The following GRIP1 variants were observed in gnomAD, a reference collection of about 807,000 sequenced individuals.
The protein encoded by GRIP1 is glutamate receptor interacting protein 1.
GRIP1 carries 45 observed loss-of-function variants against 129.9 expected under a neutral mutation model. The observed-to-expected ratio is 0.35, with a 90% CI of 0.27 to 0.44. The LOEUF is 0.44. GRIP1 is among the 20% of genes least tolerant of loss of function. GRIP1 has a pLI of 1.00. For synonymous variants in GRIP1, 530 were observed against 520.8 expected, an observed-to-expected ratio of 1.02 and a Z score of -0.24; for missense variants, 1,196 against 1,396.8, an observed-to-expected ratio of 0.86 and a Z score of 2.29.
intron 1 of GRIP1, among the ~76,000 whole-genome samples, chr12:66,704,031 A>T (rs1273151496): frequency 6.6e-6 from 1 of 152,110 alleles, no homozygotes; most frequent in Admixed American, 6.6e-5. Flanking sequence ...AAAAGAATAG[A>T]TAGACCTAAA....
intron 1 of GRIP1, among the ~76,000 whole-genome samples, chr12:67,030,860 C>T (rs2043011973): frequency 1.3e-5 from 2 of 152,038 alleles, no homozygotes; most frequent in Non-Finnish European, 2.9e-5. Context: ...GAAATATGGA[C>T]AGCAACAAAG....
intron 2 of GRIP1, among the ~76,000 whole-genome samples, chr12:66,561,626 C>T (rs932677512): frequency 1.3e-5 from 2 of 152,078 alleles, no homozygotes; most frequent in Non-Finnish European, 2.9e-5. Flanking sequence ...TTCATTATGC[C>T]CTAAAAAACC....
chr12:66,958,870 G>T (rs1222546919), intron 1 of GRIP1, among the ~76,000 whole-genome samples: 1 of 152,050 alleles, frequency 6.6e-6, no homozygotes, highest in African/African-American at 2.4e-5. Context: ...ATTACGAAAG[G>T]GGCTTCCAGA....
At chr12:66,498,102 C>A (rs908564602) in intron 7 of GRIP1, among the ~76,000 whole-genome samples, 1 of 152,180 alleles carries the variant, frequency 6.6e-6, no homozygotes, top group African/African-American at 2.4e-5. Context: ...TATAAAACTG[C>A]CCCACCCTTA....
intron 2 of GRIP1, among the ~76,000 whole-genome samples, chr12:66,556,438 T>C (rs1477322478): frequency 8.5e-5 from 13 of 152,122 alleles, no homozygotes; most frequent in Admixed American, 7.9e-4. Context: ...GGGGAATTCT[T>C]CAATCTGAAA....
intron 1 of GRIP1, among the ~76,000 whole-genome samples, chr12:66,938,621 C>T (rs889596270): frequency 1.3e-5 from 2 of 151,986 alleles, no homozygotes; most frequent in Non-Finnish European, 2.9e-5. Context: ...AAGGCAGGGC[C>T]TCCACTAGAA....
At chr12:66,586,698 C>G (rs1254353969) in intron 2 of GRIP1, among the ~76,000 whole-genome samples, 2 of 152,190 alleles carry the variant, frequency 1.3e-5, no homozygotes, top group East Asian at 3.9e-4. Context: ...TCCCAGACTT[C>G]TCTTTTCCTC....
intron 2 of GRIP1, among the ~76,000 whole-genome samples, chr12:66,578,090 A>G (rs2063205060): frequency 6.6e-6 from 1 of 152,224 alleles, no homozygotes; most frequent in South Asian, 2.1e-4. Flanking sequence ...GAAACTGCTG[A>G]AAACTTCAAT....
intron 13 of GRIP1, among the ~76,000 whole-genome samples, chr12:66,439,006 A>C (rs1411252984): frequency 6.6e-6 from 1 of 152,194 alleles, no homozygotes; most frequent in Non-Finnish European, 1.5e-5. Flanking sequence ...AAGAGAATAG[A>C]GAGTGATAGA....
At chr12:66,649,623 C>T (rs1017646968) in intron 1 of GRIP1, among the ~76,000 whole-genome samples, 3 of 152,178 alleles carry the variant, frequency 2.0e-5, no homozygotes, top group African/African-American at 7.2e-5. Context: ...ATGCTAAATG[C>T]CATCGAGCAT....
At chr12:66,585,515 G>C (rs1271701618) in intron 2 of GRIP1, among the ~76,000 whole-genome samples, 1 of 140,130 alleles carries the variant, frequency 7.1e-6, no homozygotes, top group Non-Finnish European at 1.6e-5. Context: ...TTGGACATTT[G>C]GGTTGGTTGC....
At chr12:67,003,040 A>G (rs944308386) in intron 1 of GRIP1, among the ~76,000 whole-genome samples, 2 of 152,172 alleles carry the variant, frequency 1.3e-5, no homozygotes, top group Admixed American at 6.6e-5. Context: ...GGGAAATGGC[A>G]GCGATGGTCT....
rs11176516 is a variant in GRIP1, at chr12:66,986,255, T to C, written c.58+82795A>G. Among the ~76,000 whole-genome samples, 1,471 of 152,266 alleles carry C rather than the reference T, an allele frequency of 9.7e-3. 9 individuals carry two copies. The highest frequency in any genetic ancestry group is 0.017 in the Admixed American group (253 of 15,288). On this transcript the variant is annotated intron_variant, in intron 1 of 1. Transcript: ENST00000643019. Reference sequence around the variant, plus strand: ...GGACTGTAAACTAGTTCAACCATTATGGAAGTCAGTGTGGCGATTCCTCAG... The same window carrying C: ...GGACTGTAAACTAGTTCAACCATTACGGAAGTCAGTGTGGCGATTCCTCAG...
At chr12:66,825,917 A>G (rs2039403340) in intron 1 of GRIP1, among the ~76,000 whole-genome samples, 1 of 152,366 alleles carries the variant, frequency 6.6e-6, no homozygotes, top group Non-Finnish European at 1.5e-5. Context: ...TCAAGGATCT[A>G]GAACCAGAAA....
At chr12:66,354,271 C>T (rs1481020864) in intron 23 of GRIP1, among the ~76,000 whole-genome samples, 1 of 152,156 alleles carries the variant, frequency 6.6e-6, no homozygotes, top group East Asian at 1.9e-4. Context: ...TGGCTAAAGC[C>T]TCACTCCTCC....
At chr12:66,691,666 T>C (rs562727095) in intron 1 of GRIP1, among the ~76,000 whole-genome samples, 1 of 152,350 alleles carries the variant, frequency 6.6e-6, no homozygotes, top group East Asian at 1.9e-4. Context: ...TTTACAAGCA[T>C]CTTTTATTCT....
intron 1 of GRIP1, among the ~76,000 whole-genome samples, chr12:66,652,255 G>C (rs2032848975): frequency 6.6e-6 from 1 of 152,054 alleles, no homozygotes; most frequent in Non-Finnish European, 1.5e-5. Flanking sequence ...GGATCATGGG[G>C]GTGGTTTCCC....
At chr12:66,665,599 T>C (rs748711312) in intron 1 of GRIP1, among the ~76,000 whole-genome samples, 1 of 152,216 alleles carries the variant, frequency 6.6e-6, no homozygotes. Context: ...TTTGTGAGAA[T>C]CATGCATTTT....
At chr12:66,526,100 T>G (rs575136373) in intron 5 of GRIP1, among the ~76,000 whole-genome samples, 1 of 152,220 alleles carries the variant, frequency 6.6e-6, no homozygotes, top group South Asian at 2.1e-4. Context: ...ATGGCCATAC[T>G]GCCCAAGGTA....
Sources: gnomAD v4.1 joint callset for allele counts (sites outside exome capture counted in the v4.1 genomes callset) on GRCh38, gnomAD v4.1.1 for gene constraint, MANE v1.5 for transcripts, NCBI Gene and HGNC (gene_info 2026-07-23, HGNC 2026-07-21) for gene names.